The following CSMD1 variants were observed in gnomAD, a reference collection of about 807,000 sequenced individuals.
CSMD1 encodes the protein CUB and Sushi multiple domains 1.
A neutral mutation model predicts 417.5 loss-of-function variants in CSMD1; 213 were observed. That is an observed-to-expected ratio of 0.51 (90% CI 0.46 to 0.57). CSMD1 has a LOEUF of 0.57. Among genes scored for constraint, CSMD1 ranks in the 20% least tolerant of loss-of-function variants. The probability of loss-of-function intolerance (pLI) is 0.00; values close to 1 mark genes in which losing one functional copy is unlikely to be tolerated. For missense variants in CSMD1, 6,923 were observed against 4,529.7 expected (o/e 1.53, Z -15.17); for synonymous variants, 2,862 against 1,736.8 (o/e 1.65, Z -16.11).
intron 3 of CSMD1, among the ~76,000 whole-genome samples, chr8:4,285,515 T>G (rs974737128): frequency 6.6e-6 from 1 of 152,116 alleles, no homozygotes; most frequent in African/African-American, 2.4e-5. Context: ...TGAAGACAGA[T>G]CTCTTGTTTT....
At chr8:4,401,770 C>T (rs917350892) in intron 3 of CSMD1, among the ~76,000 whole-genome samples, 11 of 152,180 alleles carry the variant, frequency 7.2e-5, no homozygotes, top group Admixed American at 5.9e-4. Context: ...GAACATAGTC[C>T]CCGCAGCCCT....
At chr8:3,095,233 A>G (rs1175485076) in intron 47 of CSMD1, among the ~76,000 whole-genome samples, 1 of 152,194 alleles carries the variant, frequency 6.6e-6, no homozygotes, top group Non-Finnish European at 1.5e-5. Context: ...ATATGTCTAT[A>G]TATACACAAA....
At chr8:4,535,542 C>T (rs1272779260) in intron 2 of CSMD1, among the ~76,000 whole-genome samples, 1 of 152,084 alleles carries the variant, frequency 6.6e-6, no homozygotes, top group Non-Finnish European at 1.5e-5. Flanking sequence ...TATCTTGTAA[C>T]AGTAAGAGCT....
intron 5 of CSMD1, among the ~76,000 whole-genome samples, chr8:3,988,040 G>C (rs1054617829): frequency 3.3e-5 from 5 of 152,172 alleles, no homozygotes; most frequent in Non-Finnish European, 5.9e-5. Flanking sequence ...GCTATTAATA[G>C]ATTTGGAAAC....
At chr8:4,896,479 ACT>A (rs1355385281) in intron 1 of CSMD1, among the ~76,000 whole-genome samples, 2 of 151,778 alleles carry the variant, frequency 1.3e-5, no homozygotes, top group East Asian at 1.9e-4. Context: ...TCAAACTGAA[ACT>A]CTGTCTCTAA....
intron 61 of CSMD1, 149 bp from the exon 62 acceptor site, chr8:2,961,363 T>A: frequency 2.4e-6 from 1 of 424,730 alleles, no homozygotes; most frequent in Non-Finnish European, 4.3e-6. Context: ...AAAAATTAAA[T>A]TGCTACTTTT....
At chr8:4,927,587 T>G (rs1333966217) in intron 1 of CSMD1, among the ~76,000 whole-genome samples, 1 of 152,126 alleles carries the variant, frequency 6.6e-6, no homozygotes, top group Non-Finnish European at 1.5e-5. Context: ...TAAATAGTTC[T>G]TAGAGGTTCT....
intron 9 of CSMD1, among the ~76,000 whole-genome samples, chr8:3,585,817 G>T (rs904414907): frequency 3.9e-5 from 6 of 152,114 alleles, no homozygotes; most frequent in African/African-American, 1.4e-4. Context: ...CTTTCCGGCA[G>T]GTCCAGCTGT....
rs190104864 is a variant in CSMD1, at chr8:2,999,713, T to C, written c.8203+245A>G. 1.2e-3 allele frequency among the ~76,000 whole-genome samples: 176 copies of C among 152,050 alleles called. 1 individual carries two copies. The highest frequency in any genetic ancestry group is 6.8e-3 in the Middle Eastern group (2 of 294). ...TGGCCAGGGATCCATTTACAATGAA[T>C]TGATAAGCAAATTAAATGTGGAGTC... On this transcript the variant is annotated intron_variant, in intron 53 of 69. Coordinates refer to ENST00000635120, the MANE Select transcript of CSMD1 (RefSeq NM_033225.6).
At chr8:3,855,659 G>A (rs1175544927) in intron 5 of CSMD1, among the ~76,000 whole-genome samples, 1 of 152,100 alleles carries the variant, frequency 6.6e-6, no homozygotes, top group Non-Finnish European at 1.5e-5. Flanking sequence ...TAATTTTCCT[G>A]ACTTCATTAA....
intron 10 of CSMD1, among the ~76,000 whole-genome samples, chr8:3,529,156 T>C (rs530555756): frequency 6.6e-6 from 1 of 152,296 alleles, no homozygotes; most frequent in Admixed American, 6.5e-5. Context: ...GTAAAGACAA[T>C]ACATACGCTA....
At chr8:3,933,918 G>A (rs1457772972) in intron 5 of CSMD1, among the ~76,000 whole-genome samples, 2 of 151,968 alleles carry the variant, frequency 1.3e-5, no homozygotes, top group Non-Finnish European at 2.9e-5. Flanking sequence ...AAATATGGGT[G>A]AAAAATGCGA....
At chr8:4,682,615 G>C (rs1034870365) in intron 1 of CSMD1, among the ~76,000 whole-genome samples, 1 of 151,992 alleles carries the variant, frequency 6.6e-6, no homozygotes, top group Admixed American at 6.6e-5. Context: ...TAAGGACATA[G>C]GCTTCTTAAA....
chr8:3,684,014 T>A (rs554518306), intron 7 of CSMD1, among the ~76,000 whole-genome samples: 1 of 151,118 alleles, frequency 6.6e-6, no homozygotes, highest in Non-Finnish European at 1.5e-5. Flanking sequence ...TTCAAATTAA[T>A]GGACTAACAC....
intron 1 of CSMD1, among the ~76,000 whole-genome samples, chr8:4,714,162 A>G (rs901685631): frequency 1.3e-5 from 2 of 151,944 alleles, no homozygotes; most frequent in Non-Finnish European, 2.9e-5. Flanking sequence ...AAAAAAAAAG[A>G]ATACCTTGTG....
At chr8:4,210,219 C>A (rs73496564) in intron 3 of CSMD1, among the ~76,000 whole-genome samples, 3 of 152,190 alleles carry the variant, frequency 2.0e-5, no homozygotes, top group South Asian at 2.1e-4. Context: ...AGCCAGCATG[C>A]TGGGCATGAC....
Position 3,032,551 on chromosome 8 carries a change from C to T in CSMD1, c.7661-3038G>A, listed in dbSNP as rs148382732. Among the ~76,000 whole-genome samples, 677 of 152,072 alleles carry T rather than the reference C, an allele frequency of 4.5e-3. 7 individuals are homozygous for T. The highest frequency in any genetic ancestry group is 0.015 in the African/African-American group (641 of 41,522). On this transcript the variant is annotated intron_variant, in intron 50 of 69. Coordinates refer to ENST00000635120, the MANE Select transcript of CSMD1 (RefSeq NM_033225.6). ...TCTGATAACAGAACTGTGACTCTCGCGAGAGGGTACTGAATTCAAATAAAA... is the reference window on the plus strand; with the variant it reads ...TCTGATAACAGAACTGTGACTCTCGTGAGAGGGTACTGAATTCAAATAAAA...
At chr8:4,283,774 C>A (rs551656352) in intron 3 of CSMD1, among the ~76,000 whole-genome samples, 2 of 73,190 alleles carry the variant, frequency 2.7e-5, no homozygotes, top group African/African-American at 8.0e-5. Context: ...TGGACATGAA[C>A]CAAAAGGAGA....
chr8:3,764,450 G>A (rs1050670305), intron 5 of CSMD1, among the ~76,000 whole-genome samples: 1 of 152,184 alleles, frequency 6.6e-6, no homozygotes, highest in Non-Finnish European at 1.5e-5. Flanking sequence ...GGGCCCTGAA[G>A]ACATGCGTGT....
Sources: allele counts gnomAD v4.1 joint callset (sites outside exome capture counted in the v4.1 genomes callset), GRCh38; gene constraint gnomAD v4.1.1; transcripts MANE v1.5; gene names NCBI Gene and HGNC (gene_info 2026-07-23, HGNC 2026-07-21).